LDAF1: variants seen among roughly 807,000 people sequenced by gnomAD.
LDAF1 encodes the protein lipid droplet assembly factor 1.
A neutral mutation model predicts 13.5 loss-of-function variants in LDAF1; 7 were observed. The ratio of observed to expected loss-of-function variants is 0.52; its 90% CI spans 0.29 to 0.97. The LOEUF is 0.97. LDAF1 is among the 50% of genes least tolerant of loss of function. The probability of loss-of-function intolerance (pLI) is 0.07; values close to 1 mark genes in which losing one functional copy is unlikely to be tolerated. For synonymous variants in LDAF1, 69 were observed against 77.1 expected, an observed-to-expected ratio of 0.89 and a Z score of 0.55; for missense variants, 148 against 193.2, an observed-to-expected ratio of 0.77 and a Z score of 1.39.
chr16:21,159,505 G>A, intron 1 of LDAF1: 2 of 1,478,052 alleles, frequency 1.4e-6, no homozygotes, highest in Non-Finnish European at 1.9e-6. Context: ...TTTTCCCCTG[G>A]AGGTTCGGGG....
At chr16:21,170,370 G>A (rs773144533) in intron 2 of LDAF1, 67 bp from the exon 3 acceptor site, 69 of 1,599,166 alleles carry the variant, frequency 4.3e-5, no homozygotes, top group Non-Finnish European at 4.9e-5. Flanking sequence ...CCACAGCTTG[G>A]GCAGATTCAT....
chr16:21,169,214 G>C, intron 2 of LDAF1: 1 of 981,590 alleles, frequency 1.0e-6, no homozygotes, highest in Non-Finnish European at 1.2e-6. Flanking sequence ...TTAGTTCATT[G>C]CTTCTCAAAC....
chr16:21,161,389 A>G, intron 2 of LDAF1, 111 bp downstream of exon 2: 1 of 1,345,296 alleles, frequency 7.4e-7, no homozygotes, highest in Non-Finnish European at 1.0e-6. Flanking sequence ...TAAGTCAAGA[A>G]TCTTTCTGGC....
chr16:21,169,271 T>G, intron 2 of LDAF1: 1 of 487,698 alleles, frequency 2.1e-6, no homozygotes, highest in Non-Finnish European at 2.7e-6. Flanking sequence ...TAAAAGGCAG[T>G]CTGATTCATC....
chr16:21,176,732 CAT>C (rs563246992), intron 4 of LDAF1, among the ~76,000 whole-genome samples: 166 of 151,816 alleles, frequency 1.1e-3, no homozygotes, highest in African/African-American at 3.8e-3. Context: ...ATAAACATAA[CAT>C]AAATTACATT....
intron 3 of LDAF1, 49 bp downstream of exon 3, chr16:21,170,654 A>G (rs2093078995): frequency 6.2e-7 from 1 of 1,608,746 alleles, no homozygotes. Flanking sequence ...CAATTGGGAG[A>G]AAAATACTTT....
At chr16:21,159,921 C>T (rs2092949079) in intron 1 of LDAF1, 1 of 985,178 alleles carries the variant, frequency 1.0e-6, no homozygotes, top group Admixed American at 6.2e-5. Context: ...AGACCTACGC[C>T]AGAGGCAGCT....
At chr16:21,163,665 A>G (rs1276230070) in intron 2 of LDAF1, among the ~76,000 whole-genome samples, 3 of 152,106 alleles carry the variant, frequency 2.0e-5, no homozygotes, top group African/African-American at 7.2e-5. Flanking sequence ...AAACAAAACA[A>G]AAAGCACTGC....
At chr16:21,161,057 T>TA in intron 1 of LDAF1, 28 bp from the exon 2 acceptor site, 1 of 1,470,616 alleles carries the variant, frequency 6.8e-7, no homozygotes, top group Non-Finnish European at 9.0e-7. Context: ...TGAAGACCAC[T>TA]AACGGCTTTT....
chr16:21,171,989 C>T (rs62033372), intron 3 of LDAF1, among the ~76,000 whole-genome samples: 66,048 of 151,446 alleles, frequency 0.44, 14,679 homozygotes, highest in East Asian at 0.68. Context: ...CTGCCCACCT[C>T]GGCCTCCCAA....
intron 2 of LDAF1, 125 bp downstream of exon 2, chr16:21,161,403 C>A: frequency 8.5e-7 from 1 of 1,179,896 alleles, no homozygotes; most frequent in Non-Finnish European, 1.2e-6. Flanking sequence ...TTCTGGCTTA[C>A]CGCCCTGCCA....
intron 3 of LDAF1, 36 bp from the exon 4 acceptor site, chr16:21,173,973 GA>G: frequency 6.3e-7 from 1 of 1,597,828 alleles, no homozygotes; most frequent in East Asian, 2.3e-5. Context: ...CAACCTGTTT[GA>G]GATGAACCCT....
At chr16:21,167,036 T>G in intron 2 of LDAF1, 2 of 855,470 alleles carry the variant, frequency 2.3e-6, no homozygotes, top group Non-Finnish European at 3.6e-6. Context: ...TCCTGTGGCC[T>G]GGCAGGGAGT....
Position 21,161,116 on chromosome 16 carries a change from G to A in LDAF1, c.-67G>A, listed in dbSNP as rs971498193. 2.1e-5 allele frequency: 33 copies of A among 1,591,656 alleles called. No homozygotes were observed. The highest frequency in any genetic ancestry group is 3.4e-5 in the South Asian group (3 of 87,780). On this transcript the variant is annotated 5_prime_UTR_variant, in exon 2 of 5. Transcript: ENST00000233047. ...ACAGAGCGACATGAGAGATTGGACC[G>A]CGGGCTGCACTGGAGAATTTACTGG... is the stretch of plus-strand genomic sequence containing the variant.
chr16:21,163,299 C>T (rs1597531772), intron 2 of LDAF1, among the ~76,000 whole-genome samples: 1 of 152,144 alleles, frequency 6.6e-6, no homozygotes. Context: ...TGGGAATGTA[C>T]GTGGCAGGTG....
At chr16:21,159,580 G>T in intron 1 of LDAF1, 3 of 828,340 alleles carry the variant, frequency 3.6e-6, no homozygotes, top group Non-Finnish European at 3.8e-6. Context: ...TGTTGGCCTG[G>T]CCCAGTCCCC....
At chr16:21,160,104 CT>C (rs762676129) in intron 1 of LDAF1, 11 of 324,750 alleles carry the variant, frequency 3.4e-5, no homozygotes, top group African/African-American at 6.8e-5. Context: ...AAATTACCCC[CT>C]ATATGATAAA....
chr16:21,167,497 A>G (rs1425063243), intron 2 of LDAF1, among the ~76,000 whole-genome samples: 2 of 152,242 alleles, frequency 1.3e-5, no homozygotes, highest in African/African-American at 4.8e-5. Flanking sequence ...GCGTTAAAGC[A>G]GTCTCCCTCC....
chr16:21,165,496 C>A, intron 2 of LDAF1: 1 of 671,410 alleles, frequency 1.5e-6, no homozygotes, highest in African/African-American at 2.0e-5. Context: ...ATCCCTGTGC[C>A]ATACAGTCCC....
Sources: allele counts gnomAD v4.1 joint callset (sites outside exome capture counted in the v4.1 genomes callset), GRCh38; gene constraint gnomAD v4.1.1; transcripts MANE v1.5; gene names NCBI Gene and HGNC (gene_info 2026-07-23, HGNC 2026-07-21).